Variants in R3HDML observed in about 807,000 individuals in gnomAD.
R3HDML encodes R3H domain containing like.
In R3HDML, 21 loss-of-function variants were observed where a neutral mutation model predicts 24.2. The ratio of observed to expected loss-of-function variants is 0.87; its 90% confidence interval spans 0.62 to 1.25. The LOEUF (loss-of-function observed/expected upper bound fraction) is 1.25. R3HDML is among the 50% of genes most tolerant of loss of function. The probability of loss-of-function intolerance (pLI) is 0.00; values close to 1 mark genes in which losing one functional copy is unlikely to be tolerated. For synonymous variants in R3HDML, 133 were observed against 131.5 expected (o/e 1.01, Z -0.08); for missense variants, 301 against 340.3 (o/e 0.88, Z 0.91).
Position 44,343,429 on chromosome 20 carries a change from T to C in R3HDML, c.433T>C (p.Tyr145His). The C allele has an allele frequency of 6.2e-7, 1 of 1,613,260 alleles. No individual in the cohort carries two copies. The highest frequency in any genetic ancestry group is 8.5e-7 in the Non-Finnish European group (1 of 1,179,596). ...MKSWSEEKWH[Y>H]LFPAPRDCNP... ...GTCCTGGTCTGAGGAGAAGTGGCAT[T>C]ACTTGTTTCCGGCCCCAAGGGACTG... Residue 145 changes from tyrosine to histidine, a missense_variant, in exon 3 of 5, where the codon TAC becomes CAC. Physicochemically the swap from Tyr to His is moderately conservative, Grantham distance 83. Transcript: ENST00000217043.
At chr20:44,340,536 T>C (rs1002174604) in intron 1 of R3HDML, among the ~76,000 whole-genome samples, 3 of 152,246 alleles carry the variant, frequency 2.0e-5, no homozygotes, top group African/African-American at 7.2e-5. Context: ...CGAAGTGCCC[T>C]GTAATCCCAG....
chr20:44,339,186 G>T (rs11907772), intron 1 of R3HDML, among the ~76,000 whole-genome samples: 1 of 151,420 alleles, frequency 6.6e-6, no homozygotes, highest in Non-Finnish European at 1.5e-5. Flanking sequence ...TGTCCAACTC[G>T]ACAGCCTTTG....
At chr20:44,338,523 A>G (rs902000378) in intron 1 of R3HDML, among the ~76,000 whole-genome samples, 5 of 152,222 alleles carry the variant, frequency 3.3e-5, no homozygotes, top group African/African-American at 1.2e-4. Flanking sequence ...TGACTTGTTC[A>G]TTCATTCGTT....
intron 3 of R3HDML, among the ~76,000 whole-genome samples, chr20:44,344,113 C>G (rs1200105596): frequency 6.6e-6 from 1 of 152,122 alleles, no homozygotes; most frequent in Non-Finnish European, 1.5e-5. Flanking sequence ...GACCCCGTCT[C>G]TACTGAAAAT....
intron 2 of R3HDML, among the ~76,000 whole-genome samples, chr20:44,342,319 G>T (rs962957473): frequency 9.2e-5 from 14 of 152,194 alleles, no homozygotes; most frequent in South Asian, 6.2e-4. Flanking sequence ...GAAATTCAGG[G>T]CCCTGTCTGT....
intron 2 of R3HDML, among the ~76,000 whole-genome samples, chr20:44,342,309 G>A (rs559273565): frequency 2.0e-5 from 3 of 152,280 alleles, no homozygotes; most frequent in Non-Finnish European, 1.5e-5. Flanking sequence ...GAGCTCAGTG[G>A]AAATTCAGGG....
At position 44,341,257 on chromosome 20, in the gene R3HDML, A is replaced by T; in HGVS notation, c.323A>T (p.His108Leu). 1 of 1,614,192 alleles carries T rather than the reference A, an allele frequency of 6.2e-7. No individual in the cohort carries two copies. The highest frequency in any genetic ancestry group is 1.1e-5 in the South Asian group (1 of 91,084). Residue 108 changes from histidine to leucine, a missense_variant, in exon 2 of 5, where the codon CAT becomes CTT. By Grantham distance (99) the His-to-Leu change is moderately conservative. Coordinates refer to ENST00000217043, the MANE Select transcript of R3HDML (RefSeq NM_178491.4). ...TGGGCCACCCAGTGCATCTGGGCAC[A>T]TGGGCCTTCACAGCTGATGAGATAC... ...EAWATQCIWA[H>L]GPSQLMRYVG...
chr20:44,348,204 T>G (rs937946897), intron 4 of R3HDML, among the ~76,000 whole-genome samples: 1 of 152,110 alleles, frequency 6.6e-6, no homozygotes, highest in Non-Finnish European at 1.5e-5. Context: ...CTACTCCTGT[T>G]TCTTCATCTG....
intron 1 of R3HDML, among the ~76,000 whole-genome samples, chr20:44,339,536 G>C (rs1285685659): frequency 1.3e-5 from 2 of 151,838 alleles, no homozygotes; most frequent in Non-Finnish European, 2.9e-5. Context: ...TAAGACAAAA[G>C]AGCAAGGTGC....
intron 3 of R3HDML, 21 bp from the exon 4 acceptor site, chr20:44,345,242 T>C (rs747674674): frequency 6.2e-7 from 1 of 1,603,240 alleles, no homozygotes; most frequent in Non-Finnish European, 8.5e-7. Flanking sequence ...CATAGCCCCC[T>C]CTGTCTCTGT....
chr20:44,344,689 A>C (rs544993897), intron 3 of R3HDML: 1 of 152,504 alleles, frequency 6.6e-6, no homozygotes, highest in East Asian at 1.9e-4. Context: ...AGGCTGAGGC[A>C]GGAGAATCAC....
At position 44,343,359 on chromosome 20, in the gene R3HDML, T is replaced by G. The variant is rs766995055; in HGVS notation, c.381-18T>G. ...CCATCCTCTCACCCAGCTTCTTCCG[T>G]GTCCCCCGCCTCCCCAGGTACCGGT... On this transcript the variant is annotated intron_variant, in intron 2 of 4. Coordinates refer to ENST00000217043, the MANE Select transcript of R3HDML (RefSeq NM_178491.4). 1 of 1,607,408 alleles carries G rather than the reference T, an allele frequency of 6.2e-7. No individual in the cohort carries two copies. The highest frequency in any genetic ancestry group is 2.3e-5 in the East Asian group (1 of 44,306).
intron 2 of R3HDML, among the ~76,000 whole-genome samples, chr20:44,342,091 A>C (rs2062773823): frequency 6.6e-6 from 1 of 152,138 alleles, no homozygotes; most frequent in South Asian, 2.1e-4. Flanking sequence ...TTGTAAAACA[A>C]AGTTGTTAGC....
At chr20:44,341,382 C>A in intron 2 of R3HDML, 68 bp downstream of exon 2, 1 of 1,272,162 alleles carries the variant, frequency 7.9e-7, no homozygotes, top group Non-Finnish European at 1.1e-6. Context: ...TTACTCTGTA[C>A]CAGGTGCTGC....
At chr20:44,339,737 TATA>T (rs2146108074) in intron 1 of R3HDML, among the ~76,000 whole-genome samples, 1 of 151,966 alleles carries the variant, frequency 6.6e-6, no homozygotes, top group East Asian at 1.9e-4. Flanking sequence ...GGGGGAGAAG[TATA>T]GGAGAGAGAT....
At chr20:44,340,235 G>C (rs2062768646) in intron 1 of R3HDML, among the ~76,000 whole-genome samples, 2 of 151,626 alleles carry the variant, frequency 1.3e-5, no homozygotes, top group Non-Finnish European at 2.9e-5. Context: ...GATTACAGAT[G>C]TGAGCCACCA....
At chr20:44,348,518 T>TCCTTTCCTTTC (rs1408961292) in intron 4 of R3HDML, among the ~76,000 whole-genome samples, 3 of 145,594 alleles carry the variant, frequency 2.1e-5, no homozygotes, top group Non-Finnish European at 3.0e-5. Context: ...TCCTTTCCTT[T>TCCTTTCCTTTC]CTTTTCTTCT....
intron 3 of R3HDML, 103 bp downstream of exon 3, chr20:44,343,612 T>C (rs943866938): frequency 1.4e-4 from 168 of 1,211,198 alleles, no homozygotes; most frequent in Non-Finnish European, 1.8e-4. Flanking sequence ...CAAAGACCGT[T>C]ATGAGCTTCT....
chr20:44,337,419 G>T lies in R3HDML; in HGVS notation c.261+1G>T, dbSNP rs547367221. On this transcript the variant is annotated splice_donor_variant, in intron 1 of 4. Coordinates refer to ENST00000217043, the MANE Select transcript of R3HDML (RefSeq NM_178491.4). LOFTEE classifies it high-confidence loss of function. The surrounding 1 kb of genome is among the most constrained non-coding windows in gnomAD (Gnocchi z 4.7). Reference sequence around the variant, plus strand: ...ACCTGCCGCCAACATGGAATACATGGTGAGTCCCCGTACCTGCCCCCCACC... The same window carrying T: ...ACCTGCCGCCAACATGGAATACATGTTGAGTCCCCGTACCTGCCCCCCACC... 1 of 1,612,132 alleles carries T rather than the reference G, an allele frequency of 6.2e-7. No homozygotes were observed. Among genetic ancestry groups the T allele is most frequent in the South Asian group, 1.1e-5 (1 of 91,022 alleles).
Sources: gnomAD v4.1 joint callset for allele counts (sites outside exome capture counted in the v4.1 genomes callset) on GRCh38, gnomAD v4.1.1 for gene constraint, Gnocchi (gnomAD v3.1) non-coding constraint, MANE v1.5 for transcripts, NCBI Gene and HGNC (gene_info 2026-07-23, HGNC 2026-07-21) for gene names.